Variants in BTD observed in about 807,000 individuals in gnomAD.
BTD encodes biocytinase.
Under a neutral mutation model 17.7 loss-of-function variants are expected in BTD, and 13 were observed. That is an observed-to-expected ratio of 0.74 (90% confidence interval 0.48 to 1.17). The LOEUF (loss-of-function observed/expected upper bound fraction) is 1.17. Among genes scored for constraint, BTD ranks in the 50% most tolerant of loss-of-function variants. BTD has a pLI of 0.00. For missense variants in BTD, 674 were observed against 650.4 expected, an observed-to-expected ratio of 1.04 and a Z score of -0.39; for synonymous variants, 240 against 245.2, an observed-to-expected ratio of 0.98 and a Z score of 0.20.
chr3:15,607,023 C>A (rs911124900), intron 1 of BTD: 1 of 134,486 alleles, frequency 7.4e-6, no homozygotes. Context: ...CAAGACAATT[C>A]TTCTTTTTCC....
chr3:15,618,071 TC>T (rs2064841488), intron 1 of BTD, among the ~76,000 whole-genome samples: 1 of 152,234 alleles, frequency 6.6e-6, no homozygotes, highest in Non-Finnish European at 1.5e-5. Flanking sequence ...TCTTCCCACT[TC>T]CATCTGCTGA....
intron 1 of BTD, among the ~76,000 whole-genome samples, chr3:15,607,896 T>A (rs1288930998): frequency 6.6e-6 from 1 of 152,210 alleles, no homozygotes; most frequent in Admixed American, 6.5e-5. Context: ...AATAATGTAA[T>A]GAAAAGGTTC....
chr3:15,713,174 G>T (rs1177519012), downstream of BTD, among the ~76,000 whole-genome samples: 1 of 152,046 alleles, frequency 6.6e-6, no homozygotes, highest in East Asian at 1.9e-4. Flanking sequence ...ATTATCTACA[G>T]ATAGTATTTG....
chr3:15,639,333 T>C (rs551262751), intron 2 of BTD, among the ~76,000 whole-genome samples: 11 of 152,104 alleles, frequency 7.2e-5, no homozygotes, highest in African/African-American at 2.7e-4. Context: ...TATCCAAATA[T>C]AATTTTCAAA....
intron 3 of BTD, chr3:15,677,191 C>A: frequency 1.4e-6 from 1 of 722,400 alleles, no homozygotes. Context: ...TGGCTAATAT[C>A]TTAATATTTG....
chr3:15,628,173 G>A (rs2065113330), intron 1 of BTD, among the ~76,000 whole-genome samples: 1 of 152,248 alleles, frequency 6.6e-6, no homozygotes, highest in Non-Finnish European at 1.5e-5. Context: ...GGGACTTGAT[G>A]TAGTGACATT....
At chr3:15,622,459 A>G (rs900733998) in intron 1 of BTD, among the ~76,000 whole-genome samples, 2 of 152,180 alleles carry the variant, frequency 1.3e-5, no homozygotes, top group African/African-American at 4.8e-5. Flanking sequence ...GTTGTGTTTT[A>G]TGGCTCACAG....
intron 1 of BTD, among the ~76,000 whole-genome samples, chr3:15,621,880 G>A (rs543932925): frequency 1.6e-4 from 24 of 152,286 alleles, no homozygotes; most frequent in African/African-American, 5.1e-4. Context: ...GATTACAGGC[G>A]TGAGTCACTG....
chr3:15,679,371 C>T, intron 3 of BTD: 3 of 1,613,932 alleles, frequency 1.9e-6, no homozygotes, highest in Non-Finnish European at 2.5e-6. Flanking sequence ...GCAGCACCTT[C>T]GTTGTCATTT....
intron 3 of BTD, chr3:15,669,979 GCA>G (rs1418335260): frequency 5.9e-6 from 2 of 340,960 alleles, no homozygotes; most frequent in Non-Finnish European, 1.1e-5. Flanking sequence ...AGGTTAGAGT[GCA>G]CAGTGTCCCC....
chr3:15,707,430 C>T (rs1190139813), intron 3 of BTD, among the ~76,000 whole-genome samples: 1 of 152,206 alleles, frequency 6.6e-6, no homozygotes, highest in Non-Finnish European at 1.5e-5. Flanking sequence ...ACATGTAGTA[C>T]CTACTACGTA....
At chr3:15,716,651 CAA>C (rs2073098855), downstream of BTD, among the ~76,000 whole-genome samples, 1 of 151,900 alleles carries the variant, frequency 6.6e-6, no homozygotes. Flanking sequence ...ATAAGAAAAA[CAA>C]GAGGAAAACT....
At chr3:15,700,646 C>T (rs139826759) in intron 3 of BTD, among the ~76,000 whole-genome samples, 2,243 of 151,862 alleles carry the variant, frequency 0.015, 59 homozygotes, top group African/African-American at 0.051. Context: ...TGGTGGCGGG[C>T]GCCTGTAGTC....
At chr3:15,711,304 C>T (rs941443673) in exon 4 of BTD, 116 of 1,548,640 alleles carry the variant, frequency 7.5e-5, no homozygotes, top group Non-Finnish European at 9.9e-5. Context: ...TTATTTATAA[C>T]AGACATATTA....
chr3:15,614,440 A>G (rs1032783209), intron 1 of BTD, among the ~76,000 whole-genome samples: 2 of 151,438 alleles, frequency 1.3e-5, no homozygotes, highest in African/African-American at 4.9e-5. Context: ...TGAAATTCCA[A>G]TTAGAAATAT....
chr3:15,663,298 G>T (rs1027479191), intron 3 of BTD, among the ~76,000 whole-genome samples: 3 of 152,188 alleles, frequency 2.0e-5, no homozygotes, highest in African/African-American at 7.2e-5. Flanking sequence ...CTGGCCTACA[G>T]TCTTCTTATA....
At chr3:15,657,708 A>G (rs2065884633), downstream of BTD, among the ~76,000 whole-genome samples, 1 of 152,114 alleles carries the variant, frequency 6.6e-6, no homozygotes, top group East Asian at 1.9e-4. Context: ...CTGTGGGCTC[A>G]GAAGATTGTG....
chr3:15,605,996 T>C (rs1327702178), intron 1 of BTD, among the ~76,000 whole-genome samples: 2 of 145,364 alleles, frequency 1.4e-5, no homozygotes, highest in African/African-American at 2.6e-5. Context: ...TAAACCAAGA[T>C]TGCACCACTG....
chr3:15,716,281 C>CT (rs373633047), downstream of BTD, among the ~76,000 whole-genome samples: 2,721 of 113,604 alleles, frequency 0.024, 82 homozygotes, highest in African/African-American at 0.072. Context: ...CGCACCTGGA[C>CT]TTTTTTTTTT....
Sources: allele counts gnomAD v4.1 joint callset (sites outside exome capture counted in the v4.1 genomes callset), GRCh38; gene constraint gnomAD v4.1.1; transcripts MANE v1.5; gene names NCBI Gene and HGNC (gene_info 2026-07-23, HGNC 2026-07-21).